Variants in SYNE2 observed in about 807,000 individuals in gnomAD.
The protein encoded by SYNE2 is spectrin repeat containing nuclear envelope protein 2.
Under a neutral mutation model 856.3 loss-of-function variants are expected in SYNE2, and 431 were observed. That is an observed-to-expected ratio of 0.50 (90% CI 0.47 to 0.55). SYNE2 has a LOEUF of 0.55. Ranked by LOEUF, SYNE2 falls within the 20% of genes least tolerant of loss-of-function variation. The pLI is 0.00. For missense variants in SYNE2, 8,129 were observed against 8,023.2 expected (o/e 1.01, Z -0.50); for synonymous variants, 2,923 against 2,872.3 (o/e 1.02, Z -0.56).
At chr14:64,156,350 T>C (rs1015733591) in intron 85 of SYNE2, among the ~76,000 whole-genome samples, 5 of 152,262 alleles carry the variant, frequency 3.3e-5, no homozygotes, top group African/African-American at 1.2e-4. Context: ...CGGTACTTTG[T>C]GCCAGAATTA....
intron 8 of SYNE2, among the ~76,000 whole-genome samples, chr14:63,959,734 T>C (rs989248270): frequency 6.6e-6 from 1 of 152,182 alleles, no homozygotes; most frequent in African/African-American, 2.4e-5. Context: ...CTTTGTCTTT[T>C]GGCTTTTCTT....
Position 64,158,659 on chromosome 14 carries a change from T to C in SYNE2, c.15827T>C (p.Leu5276Ser), listed in dbSNP as rs1414395940. The C allele has an allele frequency of 1.2e-6, 2 of 1,614,064 alleles. No individual in the cohort carries two copies. Among genetic ancestry groups the C allele is most frequent in the Admixed American group, 1.7e-5 (1 of 60,010 alleles). Residue 5276 changes from leucine (L) to serine (S), a missense_variant, in exon 86 of 116, where the codon TTA (leucine) becomes TCA (serine). Leu to Ser is a moderately radical substitution (Grantham distance 145). Around this residue, in one of 3 missense-constraint regions of SYNE2, gnomAD observed 5,410 missense variants for 5,284.8 expected, o/e 1.02. Transcript: ENST00000555002. ...CTCAAAACCTCCATGCAGTCAGTTT[T>C]ACAGGAGTGGAAGATTTATGATCAA... ...NQLKTSMQSV[L>S]QEWKIYDQLY...
At chr14:63,801,070 G>T (rs189552602) in intron 1 of SYNE2, among the ~76,000 whole-genome samples, 2 of 152,190 alleles carry the variant, frequency 1.3e-5, no homozygotes, top group Admixed American at 1.3e-4. Context: ...TAACAAAATA[G>T]AAATAAAAAT....
At chr14:63,974,847 T>TCC in intron 11 of SYNE2, among the ~76,000 whole-genome samples, 1 of 98,772 alleles carries the variant, frequency 1.0e-5, no homozygotes, top group East Asian at 2.8e-4. Flanking sequence ...TGTGTGTGTG[T>TCC]GTACATGTGT....
chr14:64,119,630 G>C (rs767483258), intron 67 of SYNE2, 21 bp downstream of exon 67: 1 of 1,613,016 alleles, frequency 6.2e-7, no homozygotes, highest in Non-Finnish European at 8.5e-7. Flanking sequence ...ACTATCTATG[G>C]ACATTCATCT....
At chr14:64,103,353 CTTT>C (rs61101192) in intron 64 of SYNE2, among the ~76,000 whole-genome samples, 3 of 138,964 alleles carry the variant, frequency 2.2e-5, no homozygotes, top group East Asian at 2.1e-4. Flanking sequence ...TCTCCATAAT[CTTT>C]TTTTTTTTTT....
At chr14:64,144,397 A>G (rs2098164598) in intron 83 of SYNE2, among the ~76,000 whole-genome samples, 1 of 152,218 alleles carries the variant, frequency 6.6e-6, no homozygotes, top group African/African-American at 2.4e-5. Flanking sequence ...TCCTGAAAAA[A>G]TACTTTACAT....
chr14:63,961,969 G>A (rs1449275621), intron 9 of SYNE2, among the ~76,000 whole-genome samples: 2 of 151,308 alleles, frequency 1.3e-5, no homozygotes, highest in Non-Finnish European at 2.9e-5. Context: ...CACTATATAA[G>A]ACAAATGAAG....
intron 96 of SYNE2, among the ~76,000 whole-genome samples, chr14:64,179,485 G>T (rs1461119727): frequency 2.6e-5 from 4 of 152,168 alleles, no homozygotes; most frequent in Admixed American, 2.6e-4. Context: ...AGTCATAGAT[G>T]TTGGCACCTA....
At chr14:64,141,655 C>G (rs948794723) in intron 81 of SYNE2, 132 bp downstream of exon 81, 1 of 1,018,716 alleles carries the variant, frequency 9.8e-7, no homozygotes, top group African/African-American at 1.6e-5. Flanking sequence ...GAATATAAGT[C>G]TTAATTACTG....
chr14:64,111,193 C>G (rs1179360823), intron 65 of SYNE2, among the ~76,000 whole-genome samples: 2 of 148,868 alleles, frequency 1.3e-5, no homozygotes, highest in East Asian at 4.2e-4. Flanking sequence ...TGGCAAGACC[C>G]CATCTCAAAA....
chr14:63,867,651 T>G (rs2140307118), intron 1 of SYNE2, among the ~76,000 whole-genome samples: 1 of 151,898 alleles, frequency 6.6e-6, no homozygotes, highest in South Asian at 2.1e-4. Context: ...TAAGCCGAGG[T>G]CACACCACTG....
chr14:64,132,481 T>G (rs202150192), intron 77 of SYNE2, 43 bp downstream of exon 77: 3 of 1,611,200 alleles, frequency 1.9e-6, no homozygotes, highest in Admixed American at 3.3e-5. Flanking sequence ...TGGGAATTGC[T>G]GATTTTCCAT....
chr14:64,193,038 CCT>C (rs1386703323), intron 99 of SYNE2, among the ~76,000 whole-genome samples: 4 of 152,150 alleles, frequency 2.6e-5, no homozygotes, highest in Non-Finnish European at 5.9e-5. Context: ...ACATAGAATC[CCT>C]GATGCTGACT....
intron 48 of SYNE2, 71 bp from the exon 49 acceptor site, chr14:64,055,873 A>G: frequency 8.2e-7 from 1 of 1,216,826 alleles, no homozygotes; most frequent in Non-Finnish European, 1.2e-6. Context: ...ATGTACCACG[A>G]AAACTTAAGA....
chr14:64,178,164 G>C (rs550252216), intron 96 of SYNE2, among the ~76,000 whole-genome samples: 2 of 152,230 alleles, frequency 1.3e-5, no homozygotes, highest in African/African-American at 4.8e-5. Flanking sequence ...GAAAAAATTA[G>C]GAAGAAATGA....
At chr14:63,985,840 CT>C (rs1566975553) in intron 18 of SYNE2, among the ~76,000 whole-genome samples, 1 of 152,098 alleles carries the variant, frequency 6.6e-6, no homozygotes, top group African/African-American at 2.4e-5. Flanking sequence ...GAGACCCCAT[CT>C]CTACAAAATA....
In SYNE2 at chr14:64,075,836, A is replaced by G. The variant is rs2097454098; in HGVS notation, c.10867-109A>G. 35 of 1,241,190 alleles carry G rather than the reference A, an allele frequency of 2.8e-5. 2 individuals are homozygous for G. In the South Asian group the frequency reaches 4.0e-4, roughly 14 times the overall value. 76.9% of individuals were successfully genotyped at this position (1,241,190 alleles called of 1,614,324 possible). On this transcript the variant is annotated intron_variant, in intron 53 of 115. Transcript: ENST00000555002. ...ATCACTAGTGGGGTTTTGTCATGCA[A>G]ACTGCACTCCTTTAAATCATAAGGA... is the stretch of plus-strand genomic sequence containing the variant.
At chr14:63,922,152 C>G (rs940923062) in intron 2 of SYNE2, among the ~76,000 whole-genome samples, 1 of 151,968 alleles carries the variant, frequency 6.6e-6, no homozygotes, top group African/African-American at 2.4e-5. Flanking sequence ...TATAGCTGTG[C>G]GCCACCATGC....
Sources: gnomAD v4.1 joint callset for allele counts (sites outside exome capture counted in the v4.1 genomes callset) on GRCh38, gnomAD v4.1.1 for gene constraint, gnomAD v4.1.1 regional missense constraint, MANE v1.5 for transcripts, NCBI Gene and HGNC (gene_info 2026-07-23, HGNC 2026-07-21) for gene names.